The following TMC5 variants were observed in gnomAD, a reference collection of about 807,000 sequenced individuals.
The protein encoded by TMC5 is transmembrane channel like 5.
TMC5 carries 86 observed loss-of-function variants against 110.5 expected under a neutral mutation model. That is an observed-to-expected ratio of 0.78 (90% CI 0.65 to 0.93). The LOEUF (loss-of-function observed/expected upper bound fraction) is 0.93. Among genes scored for constraint, TMC5 ranks in the 40% least tolerant of loss-of-function variants. The pLI is 0.00. For missense variants in TMC5, 1,144 were observed against 1,222.8 expected (o/e 0.94, Z 0.96); for synonymous variants, 455 against 439.5 (o/e 1.04, Z -0.44).
chr16:19,497,871 T>TG (rs780849686), intron 21 of TMC5, 49 bp from the exon 22 acceptor site: 1 of 1,578,008 alleles, frequency 6.3e-7, no homozygotes. Context: ...CTTGTAGAGA[T>TG]GGGGCAGAGT....
At chr16:19,448,195 A>G (rs1967659855) in intron 4 of TMC5, among the ~76,000 whole-genome samples, 2 of 151,000 alleles carry the variant, frequency 1.3e-5, no homozygotes, top group Non-Finnish European at 2.9e-5. Flanking sequence ...GCTATGTTAG[A>G]GTGCAGTTTA....
intron 18 of TMC5, 69 bp from the exon 19 acceptor site, chr16:19,492,081 C>A: frequency 8.1e-7 from 1 of 1,240,350 alleles, no homozygotes; most frequent in Non-Finnish European, 1.2e-6. Flanking sequence ...AGTTCCTTTG[C>A]ATCCAGTGGA....
chr16:19,438,517 C>T (rs530945844), intron 2 of TMC5, among the ~76,000 whole-genome samples: 11 of 148,712 alleles, frequency 7.4e-5, no homozygotes, highest in Non-Finnish European at 1.0e-4. Flanking sequence ...GAGGCCGAGA[C>T]GGGTGGATCA....
At position 19,444,262 on chromosome 16, in the gene TMC5, T is replaced by C. The variant is rs746873589; in HGVS notation, c.958+12T>C. The C allele has an allele frequency of 1.2e-6, 2 of 1,612,850 alleles. No homozygotes were observed. The highest frequency in any genetic ancestry group is 2.7e-5 in the African/African-American group (2 of 74,888). ...TGGAAGTGGCTATGGTAAGCATTTG[T>C]TAAGCCAGGATCATATCCTGGGAAA... On this transcript the variant is annotated intron_variant, in intron 4 of 21. Coordinates refer to ENST00000542583, the MANE Select transcript of TMC5 (RefSeq NM_001261841.2).
upstream of TMC5, among the ~76,000 whole-genome samples, chr16:19,412,945 G>T (rs533585506): frequency 6.6e-6 from 1 of 152,116 alleles, no homozygotes; most frequent in East Asian, 1.9e-4. Flanking sequence ...CACGGCTCAA[G>T]CGATCCTCCC....
At chr16:19,424,437 G>A (rs1397785424) in intron 1 of TMC5, among the ~76,000 whole-genome samples, 1 of 152,158 alleles carries the variant, frequency 6.6e-6, no homozygotes, top group Non-Finnish European at 1.5e-5. Context: ...GATCACCTGA[G>A]GTCAGGAGTT....
chr16:19,456,679 G>A, intron 5 of TMC5: 3 of 1,588,870 alleles, frequency 1.9e-6, no homozygotes, highest in Non-Finnish European at 2.6e-6. Context: ...CCACCCCAGT[G>A]GAGAAGAAGG....
chr16:19,441,646 T>A (rs1270769839), intron 3 of TMC5, among the ~76,000 whole-genome samples: 2 of 152,164 alleles, frequency 1.3e-5, no homozygotes, highest in African/African-American at 4.8e-5. Flanking sequence ...ACTGAGATTA[T>A]CAGAATTGAT....
intron 19 of TMC5, among the ~76,000 whole-genome samples, chr16:19,493,960 G>C (rs1475963): frequency 0.64 from 96,558 of 151,878 alleles, 32,258 homozygotes; most frequent in South Asian, 0.76. Flanking sequence ...TTTTTCCTGG[G>C]TATTGAGACG....
intron 9 of TMC5, among the ~76,000 whole-genome samples, chr16:19,469,339 A>C (rs1186669414): frequency 1.4e-5 from 2 of 145,418 alleles, no homozygotes; most frequent in Admixed American, 1.4e-4. Flanking sequence ...GGGAGACAAG[A>C]GTGAAACTCT....
chr16:19,487,473 G>C lies in TMC5; in HGVS notation c.2573+147G>C, dbSNP rs142672055. The C allele has an allele frequency of 3.8e-3, 4,165 of 1,092,936 alleles. 140 individuals are homozygous for C. The African/African-American group carries it at 0.061, about 16-fold the overall frequency. The allele number at this position is 1,092,936 out of a possible 1,614,324, so 67.7% of individuals were successfully genotyped here. On this transcript the variant is annotated intron_variant, in intron 17 of 21. Coordinates refer to ENST00000542583, the MANE Select transcript of TMC5 (RefSeq NM_001261841.2). ...TCCCGGCACTATGGGAGGCCAAGGC[G>C]GGTGGATCACTTGAGGCCAGGAGTT...
chr16:19,433,039 T>C (rs74013772), intron 2 of TMC5, among the ~76,000 whole-genome samples: 27,029 of 152,130 alleles, frequency 0.18, 2,446 homozygotes, highest in Middle Eastern at 0.22. Flanking sequence ...ACGCATACAA[T>C]ATGAAGTTAT....
chr16:19,420,958 G>A (rs1193378278), intron 1 of TMC5, among the ~76,000 whole-genome samples: 1 of 152,116 alleles, frequency 6.6e-6, no homozygotes, highest in African/African-American at 2.4e-5. Context: ...CACGATCAGA[G>A]GAAAGGACTT....
chr16:19,464,145 G>A (rs1281984378), intron 8 of TMC5, 121 bp downstream of exon 8: 4 of 1,200,160 alleles, frequency 3.3e-6, no homozygotes, highest in Non-Finnish European at 4.6e-6. Context: ...TGGGGAAAGT[G>A]GATGTTTGAA....
chr16:19,449,555 T>C lies in TMC5; in HGVS notation c.972T>C (p.Tyr324=), dbSNP rs779093638. The C allele has an allele frequency of 2.5e-6, 4 of 1,614,146 alleles. No homozygotes were observed. The Admixed American group carries it at 6.7e-5, about 27-fold the overall frequency. ...APGSGYVNPA[Y]VGESGPVHAY... ...TCTTCCCTCCAGTGAACCCTGCTTA[T>C]GTAGGTGAAAGTGGTCCTGTCCATG... The change falls in exon 5 of 22, where the codon TAT becomes TAC. Residue 324 remains tyrosine (Y), a synonymous_variant. Coordinates refer to ENST00000542583, the MANE Select transcript of TMC5 (RefSeq NM_001261841.2).
At chr16:19,436,781 T>C (rs2143445833) in intron 2 of TMC5, among the ~76,000 whole-genome samples, 1 of 152,300 alleles carries the variant, frequency 6.6e-6, no homozygotes, top group Non-Finnish European at 1.5e-5. Context: ...GTCATCAACA[T>C]CTGGCTCCTC....
Position 19,466,242 on chromosome 16 carries a change from G to T in TMC5, c.1637+9G>T. On this transcript the variant is annotated intron_variant, in intron 9 of 21. Coordinates refer to ENST00000542583, the MANE Select transcript of TMC5 (RefSeq NM_001261841.2). ...TTCAGTTTGCTGTTCAGGTATGGAA[G>T]CATCTACATTTCCTGATTCTGAGGG... is the stretch of plus-strand genomic sequence containing the variant. 6.2e-7 allele frequency: 1 copy of T among 1,612,196 alleles called. No homozygotes were observed. The highest frequency in any genetic ancestry group is 8.5e-7 in the Non-Finnish European group (1 of 1,179,402).
intron 9 of TMC5, among the ~76,000 whole-genome samples, chr16:19,467,556 A>C (rs1567316055): frequency 6.6e-6 from 1 of 152,084 alleles, no homozygotes; most frequent in Non-Finnish European, 1.5e-5. Flanking sequence ...ATCTCAGCTC[A>C]CTGCAACCTC....
chr16:19,441,913 C>A (rs1967499290), intron 3 of TMC5, among the ~76,000 whole-genome samples: 1 of 152,174 alleles, frequency 6.6e-6, no homozygotes, highest in Non-Finnish European at 1.5e-5. Context: ...AAGCGATTCT[C>A]CTACCTCAGT....
Sources: allele counts gnomAD v4.1 joint callset (sites outside exome capture counted in the v4.1 genomes callset), GRCh38; gene constraint gnomAD v4.1.1; transcripts MANE v1.5; gene names NCBI Gene and HGNC (gene_info 2026-07-23, HGNC 2026-07-21).